AGAP1: variants seen among roughly 807,000 people sequenced by gnomAD.
AGAP1 encodes arf-GAP with GTPase, ANK repeat and PH domain-containing protein 1.
A neutral mutation model predicts 105.3 loss-of-function variants in AGAP1; 29 were observed. The observed-to-expected ratio is 0.28, with a 90% confidence interval of 0.21 to 0.38. The LOEUF (loss-of-function observed/expected upper bound fraction) is 0.38. AGAP1 is among the 10% of genes least tolerant of loss of function. The pLI, the probability that AGAP1 is intolerant of heterozygous loss-of-function variation, is 1.00. For missense variants in AGAP1, 998 were observed against 1,165.1 expected (o/e 0.86, Z 2.09); for synonymous variants, 509 against 485.9 (o/e 1.05, Z -0.63).
chr2:235,942,234 C>T (rs2053293188), intron 12 of AGAP1, among the ~76,000 whole-genome samples: 1 of 152,166 alleles, frequency 6.6e-6, no homozygotes, highest in Non-Finnish European at 1.5e-5. Context: ...TGCAGACAAC[C>T]CGCGATTCCC....
At chr2:235,742,443 C>T (rs1952646156) in intron 4 of AGAP1, among the ~76,000 whole-genome samples, 1 of 152,152 alleles carries the variant, frequency 6.6e-6, no homozygotes, top group Non-Finnish European at 1.5e-5. Context: ...TGTTTCTTAG[C>T]ATTAACGATA....
intron 13 of AGAP1, among the ~76,000 whole-genome samples, chr2:236,028,551 A>C (rs2057127141): frequency 6.6e-6 from 1 of 152,152 alleles, no homozygotes; most frequent in African/African-American, 2.4e-5. Flanking sequence ...TTTGCAATTA[A>C]TATTTTTGTA....
rs2055156972 is a variant in AGAP1, at chr2:235,982,948, A to C, written c.1645+14325A>C. Among the ~76,000 whole-genome samples the C allele has an allele frequency of 1.3e-5, 2 of 152,176 alleles. No homozygotes were observed. The highest frequency in any genetic ancestry group is 2.9e-5 in the Non-Finnish European group (2 of 68,038). ...TTGATACCCATTCATTTATAGGCCA[A>C]ATCCAGTTCTTATTTTAATTTTTTT... On this transcript the variant is annotated intron_variant, in intron 13 of 17. Coordinates refer to ENST00000304032, the MANE Select transcript of AGAP1 (RefSeq NM_001037131.3). This position sits in a 1 kb window ranked among gnomAD's most constrained non-coding sequence, Gnocchi z 4.9.
chr2:236,118,659 GATTACAGGC>G (rs2125969376), intron 16 of AGAP1, among the ~76,000 whole-genome samples: 1 of 152,182 alleles, frequency 6.6e-6, no homozygotes, highest in Admixed American at 6.5e-5. Flanking sequence ...AAAGTGCTGG[GATTACAGGC>G]ATGAGCCACT....
Position 235,753,898 on chromosome 2 carries a change from A to G in AGAP1, c.673+3410A>G, listed in dbSNP as rs1953683859. Among the ~76,000 whole-genome samples the G allele has an allele frequency of 6.6e-6, 1 of 152,188 alleles. No individual in the cohort carries two copies. Among genetic ancestry groups the G allele is most frequent in the Non-Finnish European group, 1.5e-5 (1 of 68,038 alleles). On this transcript the variant is annotated intron_variant, in intron 6 of 17. Transcript: ENST00000304032. This position sits in a 1 kb window ranked among gnomAD's most constrained non-coding sequence, Gnocchi z 4.5. ...TATATGGTTTCTTATTTGTATATGT[A>G]TTTTCATGTAAATCACAAACACTCT... is the stretch of plus-strand genomic sequence containing the variant.
At chr2:236,077,988 G>C (rs965111710) in intron 16 of AGAP1, among the ~76,000 whole-genome samples, 1 of 151,714 alleles carries the variant, frequency 6.6e-6, no homozygotes, top group Admixed American at 6.6e-5. Context: ...TCTTTGCTCT[G>C]CTCACAGCCA....
At chr2:235,916,522 A>C (rs2051893010) in intron 11 of AGAP1, among the ~76,000 whole-genome samples, 1 of 152,226 alleles carries the variant, frequency 6.6e-6, no homozygotes, top group African/African-American at 2.4e-5. Context: ...GAGCAGGAAA[A>C]CATAATGTCC....
Position 235,979,537 on chromosome 2 carries a change from AC to A in AGAP1, c.1645+10918del, listed in dbSNP as rs2055001461. 6.6e-6 allele frequency among the ~76,000 whole-genome samples: 1 copy of A among 151,996 alleles called. No homozygotes were observed. The highest frequency in any genetic ancestry group is 2.4e-5 in the African/African-American group (1 of 41,374). On this transcript the variant is annotated intron_variant, in intron 13 of 17. Coordinates refer to ENST00000304032, the MANE Select transcript of AGAP1 (RefSeq NM_001037131.3). The surrounding 1 kb of genome is among the most constrained non-coding windows in gnomAD (Gnocchi z 4.5). ...TAATACCCTCCTGGCTTTCCACTCCACCCCTTTCTCATCTCAGACATACCAT... is the reference window on the plus strand; with the variant it reads ...TAATACCCTCCTGGCTTTCCACTCCACCCTTTCTCATCTCAGACATACCAT...
chr2:236,008,496 T>C (rs1270887519), intron 13 of AGAP1, among the ~76,000 whole-genome samples: 1 of 152,240 alleles, frequency 6.6e-6, no homozygotes, highest in Non-Finnish European at 1.5e-5. Context: ...AACTCACTTC[T>C]TTTCAGTCCC....
intron 2 of AGAP1, among the ~76,000 whole-genome samples, chr2:235,711,510 G>C (rs139998778): frequency 6.6e-6 from 1 of 152,186 alleles, no homozygotes; most frequent in Admixed American, 6.6e-5. Context: ...ATTCTGAAAC[G>C]GACTGTCTTA....
rs1274291307 is a variant in AGAP1 at position 236,114,678 on chromosome 2, T to C, written c.2115-5514T>C. Among the ~76,000 whole-genome samples, 1 of 152,200 alleles carries C rather than the reference T, an allele frequency of 6.6e-6. No homozygotes were observed. The highest frequency in any genetic ancestry group is 1.9e-4 in the East Asian group (1 of 5,182). On this transcript the variant is annotated intron_variant, in intron 16 of 17. Transcript: ENST00000304032. The surrounding 1 kb of genome is among the most constrained non-coding windows in gnomAD (Gnocchi z 5.0). The stretch of plus-strand genomic sequence containing the variant: ...GAGACATCACCAGTGTCTCGTCCTC[T>C]TATACGGGCACCTGGCTTATTGAAT...
rs754758509 is a variant in AGAP1, at chr2:235,864,439, C to A, written c.1051-18906C>A. 6.6e-6 allele frequency among the ~76,000 whole-genome samples: 1 copy of A among 152,158 alleles called. No individual in the cohort carries two copies. Among genetic ancestry groups the A allele is most frequent in the African/African-American group, 2.4e-5 (1 of 41,428 alleles). On this transcript the variant is annotated intron_variant, in intron 9 of 17. Coordinates refer to ENST00000304032, the MANE Select transcript of AGAP1 (RefSeq NM_001037131.3). This position sits in a 1 kb window ranked among gnomAD's most constrained non-coding sequence, Gnocchi z 5.0. The stretch of plus-strand genomic sequence containing the variant: ...GGTAAGTGCCCGTTGGTTTTGTTTG[C>A]GGTTCTGGCCTCCAGGGCGGTCTGG...
intron 1 of AGAP1, among the ~76,000 whole-genome samples, chr2:235,632,339 T>C (rs1946855393): frequency 6.6e-6 from 1 of 152,178 alleles, no homozygotes; most frequent in Admixed American, 6.5e-5. Context: ...TTGGCTATCC[T>C]CGGGGTGCCT....
rs570316447 is a variant in AGAP1, at chr2:235,889,471, G to C, written c.1155+6022G>C. Among the ~76,000 whole-genome samples, 1 of 152,086 alleles carries C rather than the reference G, an allele frequency of 6.6e-6. No individual in the cohort carries two copies. The highest frequency in any genetic ancestry group is 1.9e-4 in the East Asian group (1 of 5,160). ...GACTTCAGCTGGGTGGTGGCCCTGG[G>C]ATGTCACTTTCCTTCCCACTTAATT... On this transcript the variant is annotated intron_variant, in intron 10 of 17. Transcript: ENST00000304032. The surrounding 1 kb of genome is among the most constrained non-coding windows in gnomAD (Gnocchi z 4.6).
At chr2:235,781,353 G>T (rs761486877) in intron 6 of AGAP1, among the ~76,000 whole-genome samples, 5 of 152,164 alleles carry the variant, frequency 3.3e-5, no homozygotes, top group Non-Finnish European at 7.4e-5. Flanking sequence ...GGAAATGGAC[G>T]TTTGAAGGTA....
In AGAP1 at chr2:236,027,232, CT is replaced by C. The variant is rs2057082814; in HGVS notation, c.1646-9328del. ...TGAAACTCTACGTGTGGGTATTCAC[CT>C]ATTACCCTCCCTCAAAATAAAAAAT... On this transcript the variant is annotated intron_variant, in intron 13 of 17. Transcript: ENST00000304032. This position sits in a 1 kb window ranked among gnomAD's most constrained non-coding sequence, Gnocchi z 4.4. Among the ~76,000 whole-genome samples the C allele has an allele frequency of 6.6e-6, 1 of 151,850 alleles. No homozygotes were observed. The highest frequency in any genetic ancestry group is 1.5e-5 in the Non-Finnish European group (1 of 67,988).
At chr2:235,580,098 C>T (rs1944879328) in intron 1 of AGAP1, among the ~76,000 whole-genome samples, 1 of 152,176 alleles carries the variant, frequency 6.6e-6, no homozygotes, top group Non-Finnish European at 1.5e-5. Context: ...CTTTCTACAG[C>T]TGAATGATAT....
intron 14 of AGAP1, among the ~76,000 whole-genome samples, chr2:236,039,082 CCT>C (rs1475592985): frequency 6.6e-6 from 1 of 152,016 alleles, no homozygotes; most frequent in Admixed American, 6.6e-5. Context: ...TTGTAACTGT[CCT>C]CTGAAATTGA....
Position 235,559,067 on chromosome 2 carries a change from C to T in AGAP1, c.163+64218C>T, listed in dbSNP as rs879322709. ...CCTCCTAGGTAGCTGAGACTACAGGCATGCGCCACTACACCCGACTAATAT... is the reference window on the plus strand; with the variant it reads ...CCTCCTAGGTAGCTGAGACTACAGGTATGCGCCACTACACCCGACTAATAT... On this transcript the variant is annotated intron_variant, in intron 1 of 17. Coordinates refer to ENST00000304032, the MANE Select transcript of AGAP1 (RefSeq NM_001037131.3). The surrounding 1 kb of genome is among the most constrained non-coding windows in gnomAD (Gnocchi z 5.7). Among the ~76,000 whole-genome samples the T allele has an allele frequency of 6.6e-6, 1 of 152,106 alleles. No homozygotes were observed. The highest frequency in any genetic ancestry group is 1.5e-5 in the Non-Finnish European group (1 of 68,030).
Sources: gnomAD v4.1 joint callset for allele counts (sites outside exome capture counted in the v4.1 genomes callset) on GRCh38, gnomAD v4.1.1 for gene constraint, Gnocchi (gnomAD v3.1) non-coding constraint, MANE v1.5 for transcripts, NCBI Gene and HGNC (gene_info 2026-07-23, HGNC 2026-07-21) for gene names.